Variants in TTC28 observed in about 807,000 individuals in gnomAD.
TTC28 encodes the protein tetratricopeptide repeat protein 28.
In TTC28, 61 loss-of-function variants were observed where a neutral mutation model predicts 198.0. That is an observed-to-expected ratio of 0.31 (90% CI 0.25 to 0.38). The LOEUF is 0.38. Among genes scored for constraint, TTC28 ranks in the 10% least tolerant of loss-of-function variants. TTC28 has a pLI of 1.00. For missense variants in TTC28, 2,678 were observed against 3,164.0 expected (o/e 0.85, Z 3.69); for synonymous variants, 1,171 against 1,297.8 (o/e 0.90, Z 2.10).
At chr22:28,166,809 A>T (rs1312961892) in intron 5 of TTC28, among the ~76,000 whole-genome samples, 1 of 152,224 alleles carries the variant, frequency 6.6e-6, no homozygotes, top group Admixed American at 6.5e-5. Flanking sequence ...AGAAGGCAAG[A>T]AATAACTAAG....
chr22:28,268,004 C>A (rs1367590037), intron 5 of TTC28, among the ~76,000 whole-genome samples: 1 of 152,108 alleles, frequency 6.6e-6, no homozygotes. Context: ...GGTATGTCAA[C>A]GCCTAGTGTG....
At chr22:28,285,764 A>T (rs1317502833) in intron 5 of TTC28, among the ~76,000 whole-genome samples, 1 of 152,186 alleles carries the variant, frequency 6.6e-6, no homozygotes, top group Non-Finnish European at 1.5e-5. Flanking sequence ...ACACCTGTTG[A>T]CCTAGCAATC....
At chr22:27,999,315 C>T (rs1937612138) in intron 15 of TTC28, 55 bp from the exon 16 acceptor site, 1 of 1,495,050 alleles carries the variant, frequency 6.7e-7, no homozygotes, top group Non-Finnish European at 9.0e-7. Flanking sequence ...GCCAGGCTGC[C>T]CGGCAGTGGT....
intron 9 of TTC28, among the ~76,000 whole-genome samples, chr22:28,100,727 G>A (rs1436715422): frequency 6.6e-6 from 1 of 152,106 alleles, no homozygotes; most frequent in African/African-American, 2.4e-5. Context: ...CCTATAACTC[G>A]AGGGATCTTT....
Position 28,395,525 on chromosome 22 carries a change from G to A in TTC28, c.382-88882C>T, listed in dbSNP as rs886244422. 5.3e-5 allele frequency among the ~76,000 whole-genome samples: 8 copies of A among 151,654 alleles called. No homozygotes were observed. In the South Asian group the frequency reaches 6.3e-4, roughly 12 times the overall value. On this transcript the variant is annotated intron_variant, in intron 2 of 22. Coordinates refer to ENST00000397906, the MANE Select transcript of TTC28 (RefSeq NM_001145418.2). ...TGGGCACCCGTAGTCCCAGCTACTC[G>A]GGAGGCTGAGGCAGGCGAATGGCAT...
chr22:28,061,290 G>C (rs879138436), intron 12 of TTC28, among the ~76,000 whole-genome samples: 1 of 152,078 alleles, frequency 6.6e-6, no homozygotes, highest in Non-Finnish European at 1.5e-5. Context: ...GAAGTCCTTG[G>C]CCATGCCTAT....
intron 2 of TTC28, among the ~76,000 whole-genome samples, chr22:28,420,618 GAC>G (rs1469720085): frequency 1.3e-5 from 2 of 149,064 alleles, no homozygotes; most frequent in African/African-American, 4.9e-5. Context: ...GTTGTTTTGA[GAC>G]AGAGTCTCGT....
chr22:27,991,729 G>A (rs1937416180), intron 19 of TTC28, among the ~76,000 whole-genome samples: 1 of 152,212 alleles, frequency 6.6e-6, no homozygotes, highest in African/African-American at 2.4e-5. Context: ...TGTCCCCCCA[G>A]GGGCTTGGTC....
intron 2 of TTC28, among the ~76,000 whole-genome samples, chr22:28,361,796 T>G (rs943117436): frequency 6.6e-6 from 1 of 152,238 alleles, no homozygotes; most frequent in Non-Finnish European, 1.5e-5. Flanking sequence ...ATGCCACTGA[T>G]GACTTTAAGT....
At chr22:28,395,749 T>C (rs1601335121) in intron 2 of TTC28, among the ~76,000 whole-genome samples, 1 of 152,126 alleles carries the variant, frequency 6.6e-6, no homozygotes. Context: ...TGACATATGC[T>C]GCTCAACCTA....
At chr22:28,274,834 C>T (rs1037555220) in intron 5 of TTC28, among the ~76,000 whole-genome samples, 17 of 151,772 alleles carry the variant, frequency 1.1e-4, no homozygotes, top group African/African-American at 4.1e-4. Context: ...ACAAAATTTG[C>T]CAGATGTGGT....
intron 2 of TTC28, among the ~76,000 whole-genome samples, chr22:28,454,101 T>C (rs1352883984): frequency 1.3e-5 from 2 of 152,226 alleles, no homozygotes; most frequent in Non-Finnish European, 2.9e-5. Context: ...TCTTGTCAAA[T>C]AGCAAGTTCC....
intron 12 of TTC28, among the ~76,000 whole-genome samples, chr22:28,043,777 C>T (rs1452653317): frequency 6.6e-6 from 1 of 152,070 alleles, no homozygotes; most frequent in Non-Finnish European, 1.5e-5. Flanking sequence ...TCCTCAGGGA[C>T]CTGTGTGTCC....
chr22:28,592,993 T>C lies in TTC28; in HGVS notation c.381+36559A>G, dbSNP rs540647937. On this transcript the variant is annotated intron_variant, in intron 2 of 22. Transcript: ENST00000397906. ...TTAGATTTGGGTTAGATTTTGCTAATGAAAGGAACCAAATAAGATTTGGAA... is the reference window on the plus strand; with the variant it reads ...TTAGATTTGGGTTAGATTTTGCTAACGAAAGGAACCAAATAAGATTTGGAA... Among the ~76,000 whole-genome samples, 8 of 152,268 alleles carry C rather than the reference T, an allele frequency of 5.3e-5. No individual in the cohort carries two copies. In the South Asian group the frequency reaches 6.2e-4, roughly 12 times the overall value.
Position 28,418,603 on chromosome 22 carries a change from T to C in TTC28, c.382-111960A>G, listed in dbSNP as rs796260727. 6.6e-5 allele frequency among the ~76,000 whole-genome samples: 10 copies of C among 152,180 alleles called. 1 individual carries two copies. The highest frequency in any genetic ancestry group is 3.9e-4 in the East Asian group (2 of 5,166). ...TTCATATACTGACTGGAGTCAAACA[T>C]AGAACAGACAAAAAAAGAGGCACAC... On this transcript the variant is annotated intron_variant, in intron 2 of 22. Coordinates refer to ENST00000397906, the MANE Select transcript of TTC28 (RefSeq NM_001145418.2).
chr22:28,610,236 G>A (rs1175890137), intron 2 of TTC28, among the ~76,000 whole-genome samples: 1 of 152,136 alleles, frequency 6.6e-6, no homozygotes, highest in African/African-American at 2.4e-5. Context: ...ATTCAAGCTC[G>A]GCTACAGGTC....
intron 2 of TTC28, among the ~76,000 whole-genome samples, chr22:28,343,567 A>C (rs1341250745): frequency 6.6e-6 from 1 of 152,176 alleles, no homozygotes; most frequent in African/African-American, 2.4e-5. Context: ...AGGGATAACA[A>C]TGTCCTCTGC....
At chr22:28,223,276 G>T (rs1928026790) in intron 5 of TTC28, among the ~76,000 whole-genome samples, 1 of 152,130 alleles carries the variant, frequency 6.6e-6, no homozygotes, top group Non-Finnish European at 1.5e-5. Context: ...TTTCAGAGAA[G>T]AATTTATACA....
intron 5 of TTC28, among the ~76,000 whole-genome samples, chr22:28,230,085 C>T (rs1290454657): frequency 3.3e-5 from 5 of 152,166 alleles, no homozygotes; most frequent in African/African-American, 9.7e-5. Context: ...TGGAAAAAGC[C>T]ATTGTGGCAG....
Sources: gnomAD v4.1 joint callset for allele counts (sites outside exome capture counted in the v4.1 genomes callset) on GRCh38, gnomAD v4.1.1 for gene constraint, MANE v1.5 for transcripts, NCBI Gene and HGNC (gene_info 2026-07-23, HGNC 2026-07-21) for gene names.